The following USH2A variants were observed in gnomAD, a reference collection of about 807,000 sequenced individuals.
The protein encoded by USH2A is Usher syndrome 2A (autosomal recessive, mild).
A neutral mutation model predicts 538.9 loss-of-function variants in USH2A; 443 were observed. That is an observed-to-expected ratio of 0.82 (90% CI 0.76 to 0.89). USH2A has a LOEUF of 0.89. Ranked by LOEUF, USH2A falls within the 40% of genes least tolerant of loss-of-function variation. The probability of loss-of-function intolerance (pLI) is 0.00; values close to 1 mark genes in which losing one functional copy is unlikely to be tolerated. For missense variants in USH2A, 6,633 were observed against 6,324.8 expected (o/e 1.05, Z -1.65); for synonymous variants, 2,413 against 2,273.5 (o/e 1.06, Z -1.75).
chr1:216,008,463 C>T (rs535233507), intron 32 of USH2A, among the ~76,000 whole-genome samples: 7 of 152,196 alleles, frequency 4.6e-5, no homozygotes, highest in East Asian at 1.9e-4. Flanking sequence ...ACTCTCTTTT[C>T]GGACTCAGCC....
intron 9 of USH2A, among the ~76,000 whole-genome samples, chr1:216,318,774 T>G (rs1036412839): frequency 6.6e-5 from 10 of 152,216 alleles, no homozygotes; most frequent in Non-Finnish European, 4.4e-5. Flanking sequence ...ACCCAAATTA[T>G]AGTTAATTAA....
At chr1:216,272,692 T>C (rs1407246418) in intron 11 of USH2A, among the ~76,000 whole-genome samples, 2 of 152,048 alleles carry the variant, frequency 1.3e-5, no homozygotes, top group African/African-American at 4.8e-5. Context: ...AAAATGCTGG[T>C]GCTGGGGTGG....
chr1:215,783,039 T>C, intron 52 of USH2A, 104 bp from the exon 53 acceptor site: 8 of 1,048,580 alleles, frequency 7.6e-6, no homozygotes, highest in Non-Finnish European at 1.1e-5. Context: ...AAATAAATGT[T>C]TAATGCTCTA....
chr1:216,226,755 T>C (rs1180932631), intron 14 of USH2A, among the ~76,000 whole-genome samples: 1 of 152,324 alleles, frequency 6.6e-6, no homozygotes, highest in Middle Eastern at 3.4e-3. Context: ...ATCTTCTAAG[T>C]GGTACTTTGA....
intron 58 of USH2A, among the ~76,000 whole-genome samples, chr1:215,744,408 G>A (rs1370843585): frequency 2.6e-5 from 4 of 152,132 alleles, no homozygotes; most frequent in African/African-American, 9.7e-5. Flanking sequence ...TGAACAACAG[G>A]CATACTTTTT....
intron 44 of USH2A, among the ~76,000 whole-genome samples, chr1:215,859,777 A>C (rs1339662981): frequency 6.6e-6 from 1 of 152,186 alleles, no homozygotes; most frequent in Non-Finnish European, 1.5e-5. Flanking sequence ...CGGGCTAGTT[A>C]AAAGTTATCC....
intron 26 of USH2A, among the ~76,000 whole-genome samples, chr1:216,080,722 T>G (rs374951294): frequency 1.3e-5 from 2 of 150,836 alleles, no homozygotes; most frequent in South Asian, 4.2e-4. Context: ...GAGGGGAGAC[T>G]GTAGAACAAG....
Position 216,083,454 on chromosome 1 carries a change from A to G in USH2A, c.5298+2T>C, listed in dbSNP as rs763385498. The G allele has an allele frequency of 6.2e-7, 1 of 1,610,908 alleles. No individual in the cohort carries two copies. The highest frequency in any genetic ancestry group is 1.1e-5 in the South Asian group (1 of 90,838). ...TAATTTTAATCAAATTAATTCACAT[A>G]CAGCAAGAAAATCAGGTCCATCTTT... On this transcript the variant is annotated splice_donor_variant, in intron 26 of 71. Coordinates refer to ENST00000307340, the MANE Select transcript of USH2A (RefSeq NM_206933.4). LOFTEE classifies it high-confidence loss of function.
intron 11 of USH2A, among the ~76,000 whole-genome samples, chr1:216,273,836 GCA>G (rs1484309918): frequency 6.8e-6 from 1 of 146,710 alleles, no homozygotes; most frequent in African/African-American, 2.5e-5. Context: ...AAACAAACCA[GCA>G]CACATTCATA....
At chr1:216,220,984 T>C (rs561919932) in intron 14 of USH2A, among the ~76,000 whole-genome samples, 9 of 152,230 alleles carry the variant, frequency 5.9e-5, no homozygotes, top group South Asian at 2.1e-4. Context: ...TCAAGGCAAA[T>C]TGGAGAAATT....
At chr1:215,939,120 C>G (rs79420240) in intron 37 of USH2A, among the ~76,000 whole-genome samples, 3,579 of 152,250 alleles carry the variant, frequency 0.024, 77 homozygotes, top group South Asian at 0.083. Flanking sequence ...GTAATTATTG[C>G]ACACTTAAGA....
intron 11 of USH2A, among the ~76,000 whole-genome samples, chr1:216,264,900 T>C (rs183023853): frequency 1.9e-4 from 29 of 152,184 alleles, no homozygotes; most frequent in Admixed American, 1.2e-3. Flanking sequence ...TCTCTCACCA[T>C]ATACAAAAAT....
rs1655855446 is a variant in USH2A at position 215,623,130 on chromosome 1, T to G, written c.*2651A>C. On this transcript the variant is annotated 3_prime_UTR_variant, in exon 72 of 72. Transcript: ENST00000307340. ...TCCATTTAGTGGAAATTACAGTAGATTATAAACACATTTCTTAGAGTGTAT... is the reference window on the plus strand; with the variant it reads ...TCCATTTAGTGGAAATTACAGTAGAGTATAAACACATTTCTTAGAGTGTAT... The G allele has an allele frequency of 1.3e-5, 2 of 152,152 alleles. No homozygotes were observed. Among genetic ancestry groups the G allele is most frequent in the South Asian group, 4.1e-4 (2 of 4,836 alleles). The allele number at this position is 152,152 out of a possible 1,614,324, so 9.4% of individuals were successfully genotyped here.
Position 215,867,088 on chromosome 1 carries a change from C to G in USH2A, c.8764G>C (p.Ala2922Pro). The G allele has an allele frequency of 6.2e-7, 1 of 1,614,172 alleles. No individual in the cohort carries two copies. Among genetic ancestry groups the G allele is most frequent in the African/African-American group, 1.3e-5 (1 of 75,070 alleles). Reference sequence around the variant, plus strand: ...TTGGCTCCTCTCTCTGGAAGACCAGCTAACGTTGTCACAGTCACTTCTCGG... The same window carrying G: ...TTGGCTCCTCTCTCTGGAAGACCAGGTAACGTTGTCACAGTCACTTCTCGG... ...PSREVTVTTL[A>P]GLPERGANLT... Residue 2922 changes from alanine to proline, a missense_variant, in exon 44 of 72, where the codon GCT becomes CCT. Transcript: ENST00000307340.
intron 27 of USH2A, 95 bp from the exon 28 acceptor site, chr1:216,073,395 G>A (rs557268626): frequency 2.2e-6 from 3 of 1,340,056 alleles, no homozygotes; most frequent in Non-Finnish European, 2.1e-6. Flanking sequence ...TTGAGGAAGG[G>A]GGGTGGTTAG....
chr1:215,866,935 G>C (rs1279397764), intron 44 of USH2A, 72 bp downstream of exon 44: 1 of 1,600,952 alleles, frequency 6.2e-7, no homozygotes, highest in African/African-American at 1.3e-5. Context: ...CATGGGGGAG[G>C]TTCATAGTAA....
chr1:216,382,098 G>A (rs1450721197), intron 3 of USH2A, among the ~76,000 whole-genome samples: 1 of 152,146 alleles, frequency 6.6e-6, no homozygotes, highest in Non-Finnish European at 1.5e-5. Context: ...TTTGTTTATT[G>A]AGAATGGATC....
chr1:216,142,247 C>T (rs530433213), intron 21 of USH2A, among the ~76,000 whole-genome samples: 1 of 152,084 alleles, frequency 6.6e-6, no homozygotes, highest in Non-Finnish European at 1.5e-5. Context: ...AGGGTCTCAC[C>T]ACATCATACC....
intron 35 of USH2A, among the ~76,000 whole-genome samples, chr1:215,991,370 G>A (rs1027174822): frequency 6.6e-6 from 1 of 152,062 alleles, no homozygotes; most frequent in Non-Finnish European, 1.5e-5. Flanking sequence ...CAGATGGAGA[G>A]ACAAGATGTT....
Sources: gnomAD v4.1 joint callset for allele counts (sites outside exome capture counted in the v4.1 genomes callset) on GRCh38, gnomAD v4.1.1 for gene constraint, MANE v1.5 for transcripts, NCBI Gene and HGNC (gene_info 2026-07-23, HGNC 2026-07-21) for gene names.